The following CDH4 variants were observed in gnomAD, a reference collection of about 807,000 sequenced individuals.
The protein encoded by CDH4 is cadherin 4.
In CDH4, 33 loss-of-function variants were observed where a neutral mutation model predicts 86.0. The observed-to-expected ratio is 0.38, with a 90% CI of 0.29 to 0.51. The LOEUF (loss-of-function observed/expected upper bound fraction) is 0.51. CDH4 is among the 20% of genes least tolerant of loss of function. The pLI is 0.86. For missense variants in CDH4, 1,114 were observed against 1,307.4 expected, an observed-to-expected ratio of 0.85 and a Z score of 2.28; for synonymous variants, 555 against 549.4, an observed-to-expected ratio of 1.01 and a Z score of -0.14.
At chr20:61,750,291 T>A (rs116319750) in intron 3 of CDH4, among the ~76,000 whole-genome samples, 2,548 of 152,288 alleles carry the variant, frequency 0.017, 69 homozygotes, top group African/African-American at 0.059. Context: ...AATGAAAAGA[T>A]GACATCATGA....
chr20:61,350,716 C>G (rs1250484852), intron 2 of CDH4, among the ~76,000 whole-genome samples: 1 of 12,264 alleles, frequency 8.2e-5, no homozygotes, highest in Non-Finnish European at 1.5e-4. Context: ...GGCAGAGGCC[C>G]CCCCCCAGTG....
intron 2 of CDH4, among the ~76,000 whole-genome samples, chr20:61,428,888 G>A (rs927932713): frequency 1.3e-5 from 2 of 152,176 alleles, no homozygotes; most frequent in African/African-American, 4.8e-5. Context: ...AGGGAAAATT[G>A]TGCACAGACT....
At chr20:61,657,911 G>A (rs941616917) in intron 2 of CDH4, among the ~76,000 whole-genome samples, 4 of 152,188 alleles carry the variant, frequency 2.6e-5, no homozygotes, top group Admixed American at 2.0e-4. Flanking sequence ...GACACATGTG[G>A]AGTGAATTAG....
chr20:61,602,713 A>AAG (rs1656484932), intron 2 of CDH4, among the ~76,000 whole-genome samples: 1 of 150,916 alleles, frequency 6.6e-6, no homozygotes, highest in African/African-American at 2.4e-5. Flanking sequence ...AAAAAAAAAA[A>AAG]AAAAAAACTT....
At chr20:61,717,454 TTTGG>T (rs1320949575) in intron 2 of CDH4, 9 of 144,018 alleles carry the variant, frequency 6.2e-5, no homozygotes, top group African/African-American at 2.3e-4. Context: ...TTTTTTGGTT[TTTGG>T]TTTTTGGTTT....
chr20:61,474,152 CTTTTTTTTT>C (rs10551077), intron 2 of CDH4, among the ~76,000 whole-genome samples: 1 of 40,020 alleles, frequency 2.5e-5, no homozygotes, highest in East Asian at 9.2e-4. Flanking sequence ...TGGAATAGGA[CTTTTTTTTT>C]TTTTTTTTTT....
intron 6 of CDH4, among the ~76,000 whole-genome samples, chr20:61,872,342 C>T (rs1454628716): frequency 6.6e-6 from 1 of 152,122 alleles, no homozygotes; most frequent in Non-Finnish European, 1.5e-5. Flanking sequence ...AGGGCCAGGA[C>T]GGGGCTTTGG....
At chr20:61,636,076 C>T (rs962085790) in intron 2 of CDH4, among the ~76,000 whole-genome samples, 41 of 152,222 alleles carry the variant, frequency 2.7e-4, no homozygotes, top group African/African-American at 7.2e-5. Context: ...GCTCCACACG[C>T]GTGGGGGTCC....
chr20:61,424,113 CAT>C lies in CDH4; in HGVS notation c.169+169178_169+169179del, dbSNP rs199808889. The stretch of plus-strand genomic sequence containing the variant: ...ACACACGTATACACACATATACACA[CAT>C]AGCACACATGTATCCACACACAGCA... On this transcript the variant is annotated intron_variant, in intron 2 of 15. Transcript: ENST00000614565. Among the ~76,000 whole-genome samples the C allele has an allele frequency of 4.3e-3, 654 of 151,916 alleles. 3 individuals are homozygous for C. The highest frequency in any genetic ancestry group is 0.015 in the African/African-American group (613 of 41,406).
At chr20:61,444,270 T>TCTCC (rs1403587801) in intron 2 of CDH4, among the ~76,000 whole-genome samples, 1,729 of 150,210 alleles carry the variant, frequency 0.012, 5 homozygotes, top group Admixed American at 0.026. Context: ...TATGTGTGTG[T>TCTCC]GTGTATGTGT....
At chr20:61,821,951 G>A (rs919986538) in intron 4 of CDH4, among the ~76,000 whole-genome samples, 2 of 152,270 alleles carry the variant, frequency 1.3e-5, no homozygotes, top group Admixed American at 6.5e-5. Flanking sequence ...GGTGCAGACA[G>A]GATTCCCCAG....
intron 7 of CDH4, among the ~76,000 whole-genome samples, chr20:61,889,691 GGATGATGGATGGATA>G (rs1352503696): frequency 2.0e-5 from 3 of 150,920 alleles, no homozygotes; most frequent in African/African-American, 4.9e-5. Flanking sequence ...GTGGATAGTT[GGATGATGGATGGATA>G]GATGATGGAT....
rs370504133 is a variant in CDH4 at position 61,715,880 on chromosome 20, C to T, written c.170-27683C>T. 5.4e-4 allele frequency among the ~76,000 whole-genome samples: 82 copies of T among 152,344 alleles called. No individual in the cohort carries two copies. The South Asian group carries it at 0.012, about 22-fold the overall frequency. On this transcript the variant is annotated intron_variant, in intron 2 of 15. Transcript: ENST00000614565. ...CAGGAGCCAGCATTTCTAACATGCT[C>T]TCAGCAGGATTGGAGAGCCCCTGCG...
At chr20:61,833,697 C>T (rs1981729952) in intron 4 of CDH4, among the ~76,000 whole-genome samples, 1 of 151,776 alleles carries the variant, frequency 6.6e-6, no homozygotes, top group African/African-American at 2.4e-5. Flanking sequence ...GCCCTTATAA[C>T]TGACTGAGCA....
intron 2 of CDH4, among the ~76,000 whole-genome samples, chr20:61,266,977 A>G (rs1369640613): frequency 6.6e-6 from 1 of 152,194 alleles, no homozygotes; most frequent in Non-Finnish European, 1.5e-5. Context: ...CAGAGAAGAC[A>G]CAGACTTGGA....
At chr20:61,751,005 G>C (rs1468228621) in intron 3 of CDH4, among the ~76,000 whole-genome samples, 1 of 152,180 alleles carries the variant, frequency 6.6e-6, no homozygotes, top group Non-Finnish European at 1.5e-5. Context: ...AACTTGGAAG[G>C]CTTATGTTAG....
chr20:61,556,074 GA>G (rs2086175407), intron 2 of CDH4, among the ~76,000 whole-genome samples: 1 of 152,204 alleles, frequency 6.6e-6, no homozygotes, highest in Non-Finnish European at 1.5e-5. Flanking sequence ...CCCCATGTGG[GA>G]GACACAGATG....
intron 2 of CDH4, among the ~76,000 whole-genome samples, chr20:61,438,029 G>A (rs559900237): frequency 2.0e-5 from 3 of 152,246 alleles, no homozygotes; most frequent in South Asian, 2.1e-4. Context: ...TTAATGACCC[G>A]TCCAGACTCC....
In CDH4 at chr20:61,592,956, G is replaced by C. The variant is rs565276184; in HGVS notation, c.170-150607G>C. Among the ~76,000 whole-genome samples, 3 of 152,264 alleles carry C rather than the reference G, an allele frequency of 2.0e-5. No individual in the cohort carries two copies. The South Asian group carries it at 6.2e-4, about 32-fold the overall frequency. ...AAGTTTAGGACCTTGAAATGATCCC[G>C]GGTTACCTGGGTGGGCCCTAAGTGC... On this transcript the variant is annotated intron_variant, in intron 2 of 15. Coordinates refer to ENST00000614565, the MANE Select transcript of CDH4 (RefSeq NM_001794.5).
Sources: allele counts gnomAD v4.1 joint callset (sites outside exome capture counted in the v4.1 genomes callset), GRCh38; gene constraint gnomAD v4.1.1; transcripts MANE v1.5; gene names NCBI Gene and HGNC (gene_info 2026-07-23, HGNC 2026-07-21).